The following ROR1 variants were observed in gnomAD, a reference collection of about 807,000 sequenced individuals.
ROR1 encodes the protein inactive tyrosine-protein kinase transmembrane receptor ROR1.
A neutral mutation model predicts 78.8 loss-of-function variants in ROR1; 19 were observed. The observed-to-expected ratio is 0.24, with a 90% confidence interval of 0.17 to 0.35. The LOEUF (loss-of-function observed/expected upper bound fraction) is 0.35. ROR1 is among the 10% of genes least tolerant of loss of function. The pLI, the probability that ROR1 is intolerant of heterozygous loss-of-function variation, is 1.00. For missense variants in ROR1, 917 were observed against 1,177.8 expected (o/e 0.78, Z 3.24); for synonymous variants, 386 against 433.6 (o/e 0.89, Z 1.36).
chr1:63,877,400 G>T (rs72683061), intron 1 of ROR1, among the ~76,000 whole-genome samples: 13 of 152,146 alleles, frequency 8.5e-5, no homozygotes, highest in Non-Finnish European at 1.5e-4. Context: ...GGATCATAAC[G>T]CACATCACCT....
chr1:64,170,465 T>G (rs12068068), intron 8 of ROR1, among the ~76,000 whole-genome samples: 95,123 of 151,862 alleles, frequency 0.63, 30,248 homozygotes, highest in African/African-American at 0.72. Flanking sequence ...GGGACCCTGG[T>G]CCCAGCCCAC....
chr1:64,087,435 A>G (rs1254068229), intron 4 of ROR1, among the ~76,000 whole-genome samples: 1 of 152,238 alleles, frequency 6.6e-6, no homozygotes, highest in Non-Finnish European at 1.5e-5. Flanking sequence ...TGGCAGACCA[A>G]GGCCAGAGCA....
chr1:63,841,101 G>A (rs1217774394), intron 1 of ROR1, among the ~76,000 whole-genome samples: 1 of 152,164 alleles, frequency 6.6e-6, no homozygotes, highest in East Asian at 1.9e-4. Context: ...TTTTGATGGA[G>A]TATTATAATA....
chr1:63,917,031 C>A (rs1261227152), intron 1 of ROR1, among the ~76,000 whole-genome samples: 1 of 152,152 alleles, frequency 6.6e-6, no homozygotes, highest in Non-Finnish European at 1.5e-5. Flanking sequence ...GCTTTCAATT[C>A]TTCTTTCCTT....
At chr1:63,966,026 A>T (rs895044061) in intron 1 of ROR1, among the ~76,000 whole-genome samples, 3 of 152,332 alleles carry the variant, frequency 2.0e-5, no homozygotes, top group African/African-American at 7.2e-5. Context: ...TAGGATTGTT[A>T]TGAGGATTAA....
intron 2 of ROR1, among the ~76,000 whole-genome samples, chr1:64,012,120 G>A (rs1646480396): frequency 6.6e-6 from 1 of 152,196 alleles, no homozygotes; most frequent in Admixed American, 6.5e-5. Flanking sequence ...AATGATCTTT[G>A]AGGAGGAATT....
intron 4 of ROR1, among the ~76,000 whole-genome samples, chr1:64,055,068 T>C (rs897918911): frequency 5.3e-5 from 8 of 152,190 alleles, no homozygotes; most frequent in Non-Finnish European, 1.5e-5. Flanking sequence ...ATTACCTCTG[T>C]AAAGACCTAT....
chr1:63,917,116 C>T (rs552903965), intron 1 of ROR1, among the ~76,000 whole-genome samples: 145 of 152,264 alleles, frequency 9.5e-4, no homozygotes, highest in Non-Finnish European at 1.7e-3. Flanking sequence ...CATCAGGTGA[C>T]CTCTTACATT....
chr1:64,085,880 GTTAA>G (rs1340073273), intron 4 of ROR1, among the ~76,000 whole-genome samples: 2 of 152,176 alleles, frequency 1.3e-5, no homozygotes, highest in African/African-American at 4.8e-5. Flanking sequence ...TGTAAAAGGG[GTTAA>G]TTGTCGATTT....
chr1:63,819,241 A>G (rs1485108534), intron 1 of ROR1, among the ~76,000 whole-genome samples: 1 of 152,126 alleles, frequency 6.6e-6, no homozygotes, highest in Non-Finnish European at 1.5e-5. Context: ...CAGTTGGTTA[A>G]TGTTGTTTTC....
At chr1:63,863,474 G>A (rs1645194850) in intron 1 of ROR1, among the ~76,000 whole-genome samples, 1 of 152,114 alleles carries the variant, frequency 6.6e-6, no homozygotes, top group Non-Finnish European at 1.5e-5. Context: ...GCACATTGAG[G>A]TCCTGGACTA....
In ROR1 at chr1:64,137,417, A is replaced by G. The variant is rs771936833; in HGVS notation, c.531A>G (p.Ala177=). 13 of 1,614,038 alleles carry G rather than the reference A, an allele frequency of 8.1e-6. No homozygotes were observed. The South Asian group carries it at 1.3e-4, about 16-fold the overall frequency. ...TCTGTCAGCCATACAGAGGGATTGCATGTGCAAGATTTATTGGCAACCGCA... is the reference window on the plus strand; with the variant it reads ...TCTGTCAGCCATACAGAGGGATTGCGTGTGCAAGATTTATTGGCAACCGCA... ...DGFCQPYRGI[A]CARFIGNRTV... The change falls in exon 5 of 9, where the codon GCA becomes GCG. Residue 177 remains alanine (A), a synonymous_variant. Transcript: ENST00000371079.
At chr1:64,039,131 G>A (rs902671461) in intron 2 of ROR1, among the ~76,000 whole-genome samples, 3 of 152,220 alleles carry the variant, frequency 2.0e-5, no homozygotes, top group African/African-American at 7.2e-5. Context: ...ACCTTGAGTT[G>A]TGGTCAAGTC....
At chr1:64,045,397 A>G (rs1311939286) in intron 2 of ROR1, among the ~76,000 whole-genome samples, 1 of 152,098 alleles carries the variant, frequency 6.6e-6, no homozygotes, top group Non-Finnish European at 1.5e-5. Flanking sequence ...ATTTTACTAA[A>G]TATTTTATTA....
At chr1:63,956,011 G>A (rs562947283) in intron 1 of ROR1, among the ~76,000 whole-genome samples, 30 of 152,290 alleles carry the variant, frequency 2.0e-4, no homozygotes, top group Admixed American at 1.5e-3. Context: ...CTGGTGACTC[G>A]CTCTGCTGGC....
chr1:64,164,601 T>G (rs1650034468), intron 8 of ROR1, among the ~76,000 whole-genome samples: 1 of 152,234 alleles, frequency 6.6e-6, no homozygotes, highest in African/African-American at 2.4e-5. Flanking sequence ...AGATCTTTTT[T>G]TTAACTTTTA....
intron 1 of ROR1, among the ~76,000 whole-genome samples, chr1:63,812,510 CTGAATGAA>C (rs759862034): frequency 6.6e-6 from 1 of 152,128 alleles, no homozygotes; most frequent in South Asian, 2.1e-4. Context: ...TAAGTTTTGA[CTGAATGAA>C]TGAATGAATG....
At chr1:63,878,554 G>A (rs965469690) in intron 1 of ROR1, among the ~76,000 whole-genome samples, 3 of 151,430 alleles carry the variant, frequency 2.0e-5, no homozygotes, top group African/African-American at 4.9e-5. Context: ...ACTCCTTCAC[G>A]GCTGCCATTT....
At chr1:63,886,862 C>T (rs903380165) in intron 1 of ROR1, among the ~76,000 whole-genome samples, 17 of 152,154 alleles carry the variant, frequency 1.1e-4, no homozygotes, top group Non-Finnish European at 7.4e-5. Flanking sequence ...ACTTTTCTTC[C>T]AGGCAGGTGG....
Sources: allele counts gnomAD v4.1 joint callset (sites outside exome capture counted in the v4.1 genomes callset), GRCh38; gene constraint gnomAD v4.1.1; transcripts MANE v1.5; gene names NCBI Gene and HGNC (gene_info 2026-07-23, HGNC 2026-07-21).